NFIA: variants seen among roughly 807,000 people sequenced by gnomAD.
The protein encoded by NFIA is nuclear factor I A.
In NFIA, 8 loss-of-function variants were observed where a neutral mutation model predicts 62.8. The ratio of observed to expected loss-of-function variants is 0.13; its 90% confidence interval spans 0.07 to 0.23. The LOEUF is 0.23. Ranked by LOEUF, NFIA falls within the 10% of genes least tolerant of loss-of-function variation. The pLI is 1.00. For missense variants in NFIA, 410 were observed against 642.1 expected, an observed-to-expected ratio of 0.64 and a Z score of 3.91; for synonymous variants, 235 against 238.1, an observed-to-expected ratio of 0.99 and a Z score of 0.12.
chr1:61,286,066 G>A (rs988752674), intron 3 of NFIA, among the ~76,000 whole-genome samples: 2 of 152,144 alleles, frequency 1.3e-5, no homozygotes, highest in African/African-American at 4.8e-5. Flanking sequence ...GGGAAAATCA[G>A]TTGTCCAAGT....
intron 4 of NFIA, among the ~76,000 whole-genome samples, chr1:61,347,392 C>T (rs1010883369): frequency 3.0e-4 from 46 of 152,094 alleles, no homozygotes; most frequent in South Asian, 4.2e-4. Flanking sequence ...CCAGGATGGT[C>T]TCGATCTCCT....
chr1:61,363,948 A>ATTTT (rs35401343), intron 6 of NFIA, among the ~76,000 whole-genome samples: 12 of 142,546 alleles, frequency 8.4e-5, no homozygotes, highest in Admixed American at 1.4e-4. Flanking sequence ...TGCATCTACT[A>ATTTT]TTTTTTTTTT....
At chr1:61,423,746 T>C (rs1042076261) in intron 9 of NFIA, among the ~76,000 whole-genome samples, 1 of 152,202 alleles carries the variant, frequency 6.6e-6, no homozygotes, top group Non-Finnish European at 1.5e-5. Context: ...CAATTGTTTC[T>C]GTAGGAAAAT....
At chr1:61,432,185 G>T (rs1229068616) in intron 10 of NFIA, among the ~76,000 whole-genome samples, 1 of 151,484 alleles carries the variant, frequency 6.6e-6, no homozygotes, top group African/African-American at 2.4e-5. Flanking sequence ...GTCTAGCTTG[G>T]GCCTAATGAT....
At position 61,419,538 on chromosome 1, in the gene NFIA, T is replaced by G. The variant is rs574053911; in HGVS notation, c.1421-6927T>G. Among the ~76,000 whole-genome samples the G allele has an allele frequency of 2.0e-5, 3 of 152,314 alleles. No individual in the cohort carries two copies. In the South Asian group the frequency reaches 6.2e-4, roughly 32 times the overall value. On this transcript the variant is annotated intron_variant, in intron 9 of 10. Coordinates refer to ENST00000403491, the MANE Select transcript of NFIA (RefSeq NM_001134673.4). Reference sequence around the variant, plus strand: ...AACATAAGGTCAAAGCGTCTCCAGTTGAAGGGTTACTCTGGTCTCCTCTCT... The same window carrying G: ...AACATAAGGTCAAAGCGTCTCCAGTGGAAGGGTTACTCTGGTCTCCTCTCT...
intron 2 of NFIA, among the ~76,000 whole-genome samples, chr1:61,194,495 C>A (rs539662703): frequency 1.3e-5 from 2 of 152,130 alleles, no homozygotes; most frequent in African/African-American, 4.8e-5. Context: ...TTTATATCAA[C>A]TTTAGGTCGT....
intron 2 of NFIA, among the ~76,000 whole-genome samples, chr1:61,186,019 G>T (rs1166597491): frequency 6.6e-6 from 1 of 151,906 alleles, no homozygotes. Context: ...ATCACATTGG[G>T]AATAAAATGT....
chr1:61,235,867 T>C, intron 2 of NFIA, among the ~76,000 whole-genome samples: 1 of 151,766 alleles, frequency 6.6e-6, no homozygotes, highest in East Asian at 1.9e-4. Context: ...TTCAGCTTCA[T>C]TTGTAAGAAA....
chr1:61,180,316 A>G (rs1297301635), intron 2 of NFIA, among the ~76,000 whole-genome samples: 5 of 152,190 alleles, frequency 3.3e-5, no homozygotes, highest in Admixed American at 1.3e-4. Context: ...GGCCATCACT[A>G]TGGAGCCTCT....
intron 2 of NFIA, among the ~76,000 whole-genome samples, chr1:61,231,101 T>C (rs566297019): frequency 6.6e-6 from 1 of 152,328 alleles, no homozygotes; most frequent in South Asian, 2.1e-4. Flanking sequence ...CTCTAGCATG[T>C]AGCTCAGTGG....
intron 2 of NFIA, among the ~76,000 whole-genome samples, chr1:61,272,205 A>G (rs1657550079): frequency 6.6e-6 from 1 of 152,190 alleles, no homozygotes; most frequent in Admixed American, 6.5e-5. Flanking sequence ...TGTTGTATTC[A>G]TCAATGTTTA....
At chr1:61,377,378 C>T (rs1664202395) in intron 6 of NFIA, among the ~76,000 whole-genome samples, 1 of 152,152 alleles carries the variant, frequency 6.6e-6, no homozygotes, top group East Asian at 1.9e-4. Flanking sequence ...TAGCTGCCTC[C>T]TGCCTCTCTT....
intron 2 of NFIA, among the ~76,000 whole-genome samples, chr1:61,098,921 T>C (rs1334652488): frequency 6.6e-6 from 1 of 152,236 alleles, no homozygotes; most frequent in Non-Finnish European, 1.5e-5. Context: ...GTTCTATGTC[T>C]GTGTAACCAT....
rs149639190 is a variant in NFIA, at chr1:61,459,265, T to TTTTGTTTG, written c.*3961_*3968dup. ...GATGAGTCCCTCAAATTTCTGTGTT[T>TTTTGTTTG]TTTGTTTGTTTGTTTGTTTGTTTTT... On this transcript the variant is annotated 3_prime_UTR_variant, in exon 11 of 11. Coordinates refer to ENST00000403491, the MANE Select transcript of NFIA (RefSeq NM_001134673.4). 4.2e-4 allele frequency: 64 copies of TTTTGTTTG among 152,110 alleles called. No homozygotes were observed. Among genetic ancestry groups the TTTTGTTTG allele is most frequent in the African/African-American group, 1.2e-3 (49 of 41,244 alleles). 9.4% of individuals were successfully genotyped at this position (152,110 alleles called of 1,614,324 possible).
At chr1:61,300,199 T>G (rs1295750487) in intron 3 of NFIA, among the ~76,000 whole-genome samples, 1 of 152,170 alleles carries the variant, frequency 6.6e-6, no homozygotes, top group Non-Finnish European at 1.5e-5. Context: ...TTTTATGTGT[T>G]TTAGGCAATA....
intron 2 of NFIA, among the ~76,000 whole-genome samples, chr1:61,157,304 C>G (rs1241253650): frequency 6.6e-6 from 1 of 152,120 alleles, no homozygotes; most frequent in Non-Finnish European, 1.5e-5. Context: ...CTTTGTAGCT[C>G]CCTCTTTCCT....
chr1:61,217,285 G>A (rs1653692855), intron 2 of NFIA, among the ~76,000 whole-genome samples: 1 of 151,480 alleles, frequency 6.6e-6, no homozygotes, highest in Non-Finnish European at 1.5e-5. Context: ...GGTCAGGCTG[G>A]TCTTGAACTC....
chr1:61,095,771 G>C (rs1646400507), intron 2 of NFIA, among the ~76,000 whole-genome samples: 1 of 152,258 alleles, frequency 6.6e-6, no homozygotes, highest in South Asian at 2.1e-4. Flanking sequence ...TTGTTGTTAA[G>C]ACAAAGTTAA....
chr1:61,077,554 A>C, upstream of NFIA: 1 of 1,264,022 alleles, frequency 7.9e-7, no homozygotes. Context: ...TAAATGCAAA[A>C]AAAAGGGGAC....
Sources: allele counts gnomAD v4.1 joint callset (sites outside exome capture counted in the v4.1 genomes callset), GRCh38; gene constraint gnomAD v4.1.1; transcripts MANE v1.5; gene names NCBI Gene and HGNC (gene_info 2026-07-23, HGNC 2026-07-21).